NFAM1: variants seen among roughly 807,000 people sequenced by gnomAD.
NFAM1 encodes the protein NFAT activating protein with ITAM motif 1.
Under a neutral mutation model 29.0 loss-of-function variants are expected in NFAM1, and 17 were observed. The ratio of observed to expected loss-of-function variants is 0.59; its 90% CI spans 0.40 to 0.88. The LOEUF is 0.88. NFAM1 is among the 40% of genes least tolerant of loss of function. The probability of loss-of-function intolerance (pLI) is 0.00; values close to 1 mark genes in which losing one functional copy is unlikely to be tolerated. For missense variants in NFAM1, 324 were observed against 344.6 expected, an observed-to-expected ratio of 0.94 and a Z score of 0.47; for synonymous variants, 175 against 147.2, an observed-to-expected ratio of 1.19 and a Z score of -1.36.
the NFAM1 span, among the ~76,000 whole-genome samples, chr22:42,437,836 G>A: frequency 6.6e-6 from 1 of 152,208 alleles, no homozygotes; most frequent in Non-Finnish European, 1.5e-5. Flanking sequence ...GCAGAACCAA[G>A]AGTGTGCCGG....
chr22:42,414,962 CGTT>C (rs1930207635), intron 1 of NFAM1, among the ~76,000 whole-genome samples: 1 of 152,144 alleles, frequency 6.6e-6, no homozygotes, highest in Non-Finnish European at 1.5e-5. Context: ...AACAGACGTC[CGTT>C]GTTCTATATT....
At position 42,385,224 on chromosome 22, in the gene NFAM1, G is replaced by T; in HGVS notation, c.754-4C>A. ...CTTCGAATCTATGCGGTCTCTCCTGGATAGAAAAGAAGAAAGGGAGGGAAG... is the reference window on the plus strand; with the variant it reads ...CTTCGAATCTATGCGGTCTCTCCTGTATAGAAAAGAAGAAAGGGAGGGAAG... On this transcript the variant is annotated splice_region_variant and splice_polypyrimidine_tract_variant and intron_variant, in intron 5 of 5. Transcript: ENST00000329021. 1 of 1,598,006 alleles carries T rather than the reference G, an allele frequency of 6.3e-7. No individual in the cohort carries two copies. The highest frequency in any genetic ancestry group is 8.6e-7 in the Non-Finnish European group (1 of 1,165,318).
chr22:42,406,179 G>T (rs7292003), intron 3 of NFAM1, among the ~76,000 whole-genome samples: 4,264 of 135,668 alleles, frequency 0.031, 204 homozygotes, highest in African/African-American at 0.11. Context: ...CCCGGCTCGC[G>T]CCTCACCCCC....
In NFAM1 at chr22:42,419,983, A is replaced by G. The variant is rs1238544770; in HGVS notation, c.122-8247T>C. Among the ~76,000 whole-genome samples, 3 of 96,814 alleles carry G rather than the reference A, an allele frequency of 3.1e-5. 1 individual carries two copies. The highest frequency in any genetic ancestry group is 7.9e-5 in the African/African-American group (2 of 25,162). The allele number at this position is 96,814 out of a possible 152,430, so 63.5% of individuals were successfully genotyped here. ...TGGGTCCCTTTGAGTCTGTAATCCC[A>G]CTCTTGGTTTTTTTTTTTTTTTTTT... On this transcript the variant is annotated intron_variant, in intron 1 of 5. Coordinates refer to ENST00000329021, the MANE Select transcript of NFAM1 (RefSeq NM_145912.8). The surrounding 1 kb of genome is among the most constrained non-coding windows in gnomAD (Gnocchi z 4.5).
chr22:42,390,816 C>CAA (rs11343542), intron 4 of NFAM1, among the ~76,000 whole-genome samples: 7,268 of 107,396 alleles, frequency 0.068, 352 homozygotes, highest in African/African-American at 0.13. Context: ...GACTCCGTCT[C>CAA]AAAAAAAAAA....
chr22:42,408,129 A>G (rs1401562686), intron 3 of NFAM1, among the ~76,000 whole-genome samples: 2 of 151,958 alleles, frequency 1.3e-5, no homozygotes, highest in Admixed American at 6.6e-5. Flanking sequence ...CCTGACCTCA[A>G]GTGATCCACC....
In NFAM1 at chr22:42,383,256, C is replaced by T. The variant is rs1203148460; in HGVS notation, c.*1905G>A. On this transcript the variant is annotated 3_prime_UTR_variant, in exon 6 of 6. Transcript: ENST00000329021. ...GGGAGGCAGGCCCAGTGAGGTGGCC[C>T]TCTCCTGGTCTTGCTGGCTTCGGTT... is the stretch of plus-strand genomic sequence containing the variant. The T allele has an allele frequency of 2.0e-5, 3 of 152,986 alleles. No individual in the cohort carries two copies. The highest frequency in any genetic ancestry group is 4.4e-5 in the Non-Finnish European group (3 of 68,646). The allele number at this position is 152,986 out of a possible 1,614,324, so 9.5% of individuals were successfully genotyped here.
intron 3 of NFAM1, among the ~76,000 whole-genome samples, chr22:42,398,896 C>T (rs1399050902): frequency 1.3e-5 from 2 of 152,120 alleles, no homozygotes; most frequent in Admixed American, 6.5e-5. Flanking sequence ...CGTCCCTACC[C>T]TCCTGGAGTT....
Position 42,384,900 on chromosome 22 carries a change from C to G in NFAM1, c.*261G>C. On this transcript the variant is annotated 3_prime_UTR_variant, in exon 6 of 6. Transcript: ENST00000329021. ...CCCTTGAAGACTGAGGGGCGCTTTG[C>G]TGGTTGGGCCAAGGGAGGAAGGGCC... The G allele has an allele frequency of 1.8e-5, 10 of 569,962 alleles. No homozygotes were observed. The South Asian group carries it at 1.9e-4, about 11-fold the overall frequency. 35.3% of individuals were successfully genotyped at this position (569,962 alleles called of 1,614,324 possible). A position where few individuals can be genotyped will look rare whatever the true frequency, so the allele number is the denominator to read the frequency against.
At chr22:42,404,654 G>C (rs1381053094) in intron 3 of NFAM1, among the ~76,000 whole-genome samples, 1 of 152,054 alleles carries the variant, frequency 6.6e-6, no homozygotes, top group Non-Finnish European at 1.5e-5. Flanking sequence ...TCAGGAGTTT[G>C]AGACCAGCCT....
intron 1 of NFAM1, among the ~76,000 whole-genome samples, chr22:42,416,449 G>A (rs1930262885): frequency 6.6e-6 from 1 of 152,222 alleles, no homozygotes; most frequent in Non-Finnish European, 1.5e-5. Flanking sequence ...CATCAGATAT[G>A]GCAGGGGGTG....
chr22:42,437,142 T>C, upstream of NFAM1: 1 of 136,572 alleles, frequency 7.3e-6, no homozygotes, highest in Non-Finnish European at 1.2e-5. Flanking sequence ...TCTTTTTGTC[T>C]TTTTTTTTTT....
At chr22:42,422,640 C>A (rs561558140) in intron 1 of NFAM1, among the ~76,000 whole-genome samples, 1 of 152,078 alleles carries the variant, frequency 6.6e-6, no homozygotes, top group South Asian at 2.1e-4. Flanking sequence ...AAGGTCAAGT[C>A]GCTCCAACTT....
intron 4 of NFAM1, 58 bp from the exon 5 acceptor site, chr22:42,387,136 C>G: frequency 9.8e-7 from 1 of 1,018,784 alleles, no homozygotes. Flanking sequence ...AGTCCCTGGC[C>G]CCAGCAGCCA....
chr22:42,387,807 C>T (rs1404483539), intron 4 of NFAM1, among the ~76,000 whole-genome samples: 2 of 152,286 alleles, frequency 1.3e-5, no homozygotes, highest in African/African-American at 4.8e-5. Context: ...AAGCTCCTGC[C>T]ACCCACTCTC....
chr22:42,431,362 A>C (rs1158117049), intron 1 of NFAM1, among the ~76,000 whole-genome samples: 1 of 152,152 alleles, frequency 6.6e-6, no homozygotes, highest in Non-Finnish European at 1.5e-5. Flanking sequence ...CAGCTCTTGA[A>C]AGCCCCATAA....
Position 42,411,390 on chromosome 22 carries a change from CA to C in NFAM1, c.451+16del, listed in dbSNP as rs1425655988. 6.3e-7 allele frequency: 1 copy of C among 1,591,742 alleles called. No homozygotes were observed. Among genetic ancestry groups the C allele is most frequent in the African/African-American group, 1.3e-5 (1 of 74,598 alleles). On this transcript the variant is annotated intron_variant, in intron 2 of 5. Coordinates refer to ENST00000329021, the MANE Select transcript of NFAM1 (RefSeq NM_145912.8). ...TCTGTGTCCTTTGCCCTGGAAGAGC[CA>C]CAGAGGAAGCCTTACCTCTGACCAG...
chr22:42,412,320 T>C (rs960450047), intron 1 of NFAM1, among the ~76,000 whole-genome samples: 1 of 152,072 alleles, frequency 6.6e-6, no homozygotes, highest in Non-Finnish European at 1.5e-5. Flanking sequence ...ACTTGCTGTG[T>C]GCCGGAGTTG....
chr22:42,402,486 C>T (rs9623580), intron 3 of NFAM1, among the ~76,000 whole-genome samples: 1 of 151,992 alleles, frequency 6.6e-6, no homozygotes, highest in Admixed American at 6.6e-5. Context: ...GAGGAAGGGG[C>T]CCGGGATGTG....
Sources: allele counts gnomAD v4.1 joint callset (sites outside exome capture counted in the v4.1 genomes callset), GRCh38; gene constraint gnomAD v4.1.1; non-coding constraint Gnocchi (gnomAD v3.1); transcripts MANE v1.5; gene names NCBI Gene and HGNC (gene_info 2026-07-23, HGNC 2026-07-21).